Variants in RTN1 observed in about 807,000 individuals in gnomAD.
The protein encoded by RTN1 is reticulon-1.
In RTN1, 25 loss-of-function variants were observed where a neutral mutation model predicts 65.5. The observed-to-expected ratio is 0.38, with a 90% CI of 0.28 to 0.53. The LOEUF (loss-of-function observed/expected upper bound fraction) is 0.53. RTN1 is among the 20% of genes least tolerant of loss of function. RTN1 has a pLI of 0.79. For missense variants in RTN1, 983 were observed against 1,025.4 expected (o/e 0.96, Z 0.57); for synonymous variants, 471 against 447.6 (o/e 1.05, Z -0.66).
intron 3 of RTN1, among the ~76,000 whole-genome samples, chr14:59,644,120 C>G (rs1021367723): frequency 5.9e-5 from 9 of 152,170 alleles, no homozygotes; most frequent in Admixed American, 3.3e-4. Flanking sequence ...CAATAACTCT[C>G]TAAGTTTTAA....
intron 3 of RTN1, among the ~76,000 whole-genome samples, chr14:59,636,364 C>T (rs1215047173): frequency 6.6e-6 from 1 of 152,164 alleles, no homozygotes; most frequent in East Asian, 1.9e-4. Flanking sequence ...CCTCTGCTCC[C>T]TTGCTCCACT....
chr14:59,789,479 A>T (rs1360832946), intron 1 of RTN1, among the ~76,000 whole-genome samples: 1 of 152,204 alleles, frequency 6.6e-6, no homozygotes, highest in African/African-American at 2.4e-5. Context: ...ATAATCGACA[A>T]AGGAAAACAA....
chr14:59,596,897 G>C (rs1881418431), intron 8 of RTN1, 110 bp from the exon 9 acceptor site: 2 of 804,460 alleles, frequency 2.5e-6, no homozygotes, highest in African/African-American at 1.7e-5. Flanking sequence ...TATTCCAGAA[G>C]ATATTATAGT....
At chr14:59,744,980 T>C (rs1024653911) in intron 2 of RTN1, among the ~76,000 whole-genome samples, 10 of 152,146 alleles carry the variant, frequency 6.6e-5, no homozygotes, top group Admixed American at 5.2e-4. Context: ...CTACGAAATA[T>C]TGAACGATGA....
rs988339200 is a variant in RTN1 at position 59,731,986 on chromosome 14, A to G, written c.1016-4318T>C. On this transcript the variant is annotated intron_variant, in intron 2 of 8. Transcript: ENST00000267484. The stretch of plus-strand genomic sequence containing the variant: ...CGCTCCTAGAGAATAAAAAGAAAAC[A>G]AAACAGAATGGGCTAGGTGCAATTG... Among the ~76,000 whole-genome samples the G allele has an allele frequency of 6.6e-5, 10 of 152,232 alleles. No homozygotes were observed. The South Asian group carries it at 1.9e-3, about 28-fold the overall frequency.
intron 3 of RTN1, among the ~76,000 whole-genome samples, chr14:59,724,540 G>A (rs1884716414): frequency 6.6e-6 from 1 of 152,168 alleles, no homozygotes; most frequent in South Asian, 2.1e-4. Flanking sequence ...CTTGGCATGA[G>A]CACAAACCTG....
intron 3 of RTN1, among the ~76,000 whole-genome samples, chr14:59,683,568 C>T (rs758549715): frequency 2.6e-4 from 39 of 152,022 alleles, no homozygotes; most frequent in Non-Finnish European, 4.3e-4. Context: ...TGGCTTTTTA[C>T]CACAACTTCT....
At chr14:59,805,424 C>A (rs1006804385) in intron 1 of RTN1, among the ~76,000 whole-genome samples, 3 of 152,164 alleles carry the variant, frequency 2.0e-5, no homozygotes, top group African/African-American at 7.2e-5. Flanking sequence ...CCTGGAGCAC[C>A]TGAGAACCTA....
At chr14:59,604,282 T>C (rs938870302) in intron 5 of RTN1, 4 of 165,910 alleles carry the variant, frequency 2.4e-5, no homozygotes, top group African/African-American at 7.1e-5. Context: ...TGAAATGATA[T>C]TGAATCAAAT....
chr14:59,685,117 A>T (rs1336591864), intron 3 of RTN1, among the ~76,000 whole-genome samples: 1 of 152,178 alleles, frequency 6.6e-6, no homozygotes, highest in Non-Finnish European at 1.5e-5. Flanking sequence ...GCATTTAATA[A>T]AACTTAATAT....
chr14:59,744,747 C>A (rs969284723), intron 2 of RTN1, among the ~76,000 whole-genome samples: 5 of 152,160 alleles, frequency 3.3e-5, no homozygotes, highest in African/African-American at 7.2e-5. Flanking sequence ...AGAAGTCCAC[C>A]TTTTCCTTCC....
intron 3 of RTN1, among the ~76,000 whole-genome samples, chr14:59,685,585 T>C (rs568619290): frequency 6.6e-6 from 1 of 152,132 alleles, no homozygotes; most frequent in South Asian, 2.1e-4. Context: ...CAAAAACATA[T>C]TAGGAATAAA....
intron 1 of RTN1, among the ~76,000 whole-genome samples, chr14:59,828,660 C>G (rs1378637554): frequency 6.6e-6 from 1 of 152,166 alleles, no homozygotes; most frequent in Non-Finnish European, 1.5e-5. Flanking sequence ...TACAGAGGTC[C>G]TTACAAAAGT....
chr14:59,864,248 T>C (rs941363283), intron 1 of RTN1, among the ~76,000 whole-genome samples: 1 of 152,160 alleles, frequency 6.6e-6, no homozygotes, highest in Non-Finnish European at 1.5e-5. Context: ...ATTCTCCCCT[T>C]GCTTACTCCA....
intron 1 of RTN1, among the ~76,000 whole-genome samples, chr14:59,809,501 C>T (rs1886691207): frequency 6.6e-6 from 1 of 151,866 alleles, no homozygotes; most frequent in Non-Finnish European, 1.5e-5. Context: ...TCAGCAAATA[C>T]TTTCTTATGC....
At chr14:59,629,429 T>C (rs570511686) in intron 3 of RTN1, among the ~76,000 whole-genome samples, 1 of 152,204 alleles carries the variant, frequency 6.6e-6, no homozygotes, top group African/African-American at 2.4e-5. Context: ...TGCCAGGTTT[T>C]TACAAAATCA....
At chr14:59,680,616 C>T (rs1253346751) in intron 3 of RTN1, among the ~76,000 whole-genome samples, 2 of 152,152 alleles carry the variant, frequency 1.3e-5, no homozygotes, top group African/African-American at 2.4e-5. Context: ...ACATTTGTAT[C>T]ATCTTTCTAA....
At chr14:59,833,746 T>C (rs1887166922) in intron 1 of RTN1, among the ~76,000 whole-genome samples, 1 of 152,184 alleles carries the variant, frequency 6.6e-6, no homozygotes, top group South Asian at 2.1e-4. Flanking sequence ...ACACTAATTT[T>C]AGAGAATATG....
At chr14:59,650,950 C>A (rs2140199166) in intron 3 of RTN1, among the ~76,000 whole-genome samples, 1 of 152,130 alleles carries the variant, frequency 6.6e-6, no homozygotes, top group East Asian at 1.9e-4. Context: ...TTGGATGGAT[C>A]ACCCGAGGTC....
Sources: gnomAD v4.1 joint callset for allele counts (sites outside exome capture counted in the v4.1 genomes callset) on GRCh38, gnomAD v4.1.1 for gene constraint, MANE v1.5 for transcripts, NCBI Gene and HGNC (gene_info 2026-07-23, HGNC 2026-07-21) for gene names.